PDIA6: variants seen among roughly 807,000 people sequenced by gnomAD.
The protein encoded by PDIA6 is protein disulfide isomerase family A member 6.
In PDIA6, 29 loss-of-function variants were observed where a neutral mutation model predicts 58.4. That is an observed-to-expected ratio of 0.50 (90% CI 0.37 to 0.68). The LOEUF (loss-of-function observed/expected upper bound fraction) is 0.68, where lower values mean the gene tolerates loss of function less well. Among genes scored for constraint, PDIA6 ranks in the 30% least tolerant of loss-of-function variants. The pLI, the probability that PDIA6 is intolerant of heterozygous loss-of-function variation, is 0.00. For synonymous variants in PDIA6, 192 were observed against 202.6 expected, an observed-to-expected ratio of 0.95 and a Z score of 0.44; for missense variants, 480 against 551.0, an observed-to-expected ratio of 0.87 and a Z score of 1.29.
intron 5 of PDIA6, 86 bp from the exon 6 acceptor site, chr2:10,792,011 TAAC>T: frequency 2.2e-6 from 3 of 1,378,472 alleles, no homozygotes; most frequent in East Asian, 2.3e-5. Context: ...TGCTACATCT[TAAC>T]AAAGTTTTAG....
intron 6 of PDIA6, among the ~76,000 whole-genome samples, chr2:10,791,318 G>A (rs886966619): frequency 6.7e-6 from 1 of 150,182 alleles, no homozygotes; most frequent in Non-Finnish European, 1.5e-5. Flanking sequence ...CAATTTTTTT[G>A]TATTTTTAGT....
intron 11 of PDIA6, among the ~76,000 whole-genome samples, chr2:10,786,075 C>A (rs1466360472): frequency 6.6e-6 from 1 of 152,124 alleles, no homozygotes; most frequent in Non-Finnish European, 1.5e-5. Flanking sequence ...GTAATCCCAG[C>A]ATTTTGGGAG....
intron 1 of PDIA6, 45 bp from the exon 2 acceptor site, chr2:10,802,685 C>T: frequency 7.5e-7 from 1 of 1,341,766 alleles, no homozygotes; most frequent in Non-Finnish European, 9.7e-7. Flanking sequence ...ACTGTTCATG[C>T]TTTGACTGGA....
At chr2:10,826,878 C>G (rs576238246) in intron 1 of PDIA6, among the ~76,000 whole-genome samples, 4 of 152,226 alleles carry the variant, frequency 2.6e-5, no homozygotes, top group Non-Finnish European at 5.9e-5. Context: ...TCAGACACAA[C>G]AGGCTGGTTC....
chr2:10,806,497 C>G (rs1327458201), intron 1 of PDIA6, among the ~76,000 whole-genome samples: 5 of 149,878 alleles, frequency 3.3e-5, no homozygotes, highest in Non-Finnish European at 7.4e-5. Flanking sequence ...AAATGTTGAC[C>G]AGATGCCATG....
upstream of PDIA6, among the ~76,000 whole-genome samples, chr2:10,834,175 A>C (rs1239600976): frequency 6.6e-6 from 1 of 152,062 alleles, no homozygotes; most frequent in East Asian, 1.9e-4. Flanking sequence ...TCTCAGCAGC[A>C]ATTGCATGAT....
At chr2:10,785,689 A>C (rs183969297) in intron 11 of PDIA6, among the ~76,000 whole-genome samples, 51 of 152,326 alleles carry the variant, frequency 3.3e-4, no homozygotes, top group Non-Finnish European at 6.2e-4. Flanking sequence ...TGATTTAATA[A>C]ATACTACTCT....
At chr2:10,784,354 G>T (rs544276209) in intron 12 of PDIA6, 28 bp from the exon 13 acceptor site, 2 of 1,593,820 alleles carry the variant, frequency 1.3e-6, no homozygotes, top group African/African-American at 1.3e-5. Context: ...GCCACTGTTA[G>T]ATCTGCAGAA....
chr2:10,814,000 C>T (rs1352243870), upstream of PDIA6, among the ~76,000 whole-genome samples: 2 of 152,208 alleles, frequency 1.3e-5, no homozygotes, highest in African/African-American at 4.8e-5. Context: ...GCTAGGATTA[C>T]AGTTGTGAGC....
At chr2:10,824,687 C>T (rs1686492) in intron 1 of PDIA6, among the ~76,000 whole-genome samples, 92,939 of 152,170 alleles carry the variant, frequency 0.61, 28,843 homozygotes, top group East Asian at 0.8. Flanking sequence ...GAAGCTGAAG[C>T]GGGGCAGAGC....
intron 1 of PDIA6, chr2:10,821,169 C>T: frequency 3.5e-6 from 1 of 288,632 alleles, no homozygotes; most frequent in Non-Finnish European, 6.6e-6. Context: ...CTCCTTCCTT[C>T]CCCCTCTCTT....
chr2:10,811,070 T>A (rs1686418), intron 1 of PDIA6, among the ~76,000 whole-genome samples: 74,237 of 152,058 alleles, frequency 0.49, 19,673 homozygotes, highest in South Asian at 0.58. Flanking sequence ...CTAGAAACCA[T>A]GAGGTTTCCC....
intron 1 of PDIA6, among the ~76,000 whole-genome samples, chr2:10,825,171 C>A (rs1667515528): frequency 2.0e-5 from 3 of 152,304 alleles, no homozygotes; most frequent in South Asian, 4.1e-4. Flanking sequence ...TGGACTGGCT[C>A]TCCTTACTCC....
chr2:10,786,093 T>C (rs934838762), intron 11 of PDIA6, among the ~76,000 whole-genome samples: 3 of 151,812 alleles, frequency 2.0e-5, no homozygotes, highest in South Asian at 2.1e-4. Flanking sequence ...GAGGCTGAGG[T>C]GGGTGGATCA....
chr2:10,807,243 C>G (rs532528935), intron 1 of PDIA6, among the ~76,000 whole-genome samples: 1 of 152,326 alleles, frequency 6.6e-6, no homozygotes, highest in Middle Eastern at 3.4e-3. Flanking sequence ...GGGTCTTGAT[C>G]TGTCACCCAG....
upstream of PDIA6, among the ~76,000 whole-genome samples, chr2:10,833,146 C>G (rs544719615): frequency 1.8e-4 from 27 of 152,216 alleles, no homozygotes; most frequent in Non-Finnish European, 3.4e-4. Context: ...AGAGCCCAGG[C>G]TCTGTGTCAG....
At position 10,788,888 on chromosome 2, in the gene PDIA6, C is replaced by T; in HGVS notation, c.925+9G>A. 1.2e-6 allele frequency: 2 copies of T among 1,609,002 alleles called. No individual in the cohort carries two copies. On this transcript the variant is annotated intron_variant, in intron 9 of 12. Coordinates refer to ENST00000272227, the MANE Select transcript of PDIA6 (RefSeq NM_005742.4). ...AACAGCTAAGGGAAATCATTTCCGTCTGTCTTACCAGTATCAAGGATATGG... is the reference window on the plus strand; with the variant it reads ...AACAGCTAAGGGAAATCATTTCCGTTTGTCTTACCAGTATCAAGGATATGG...
chr2:10,810,281 G>T (rs895177089), intron 1 of PDIA6: 1 of 1,534,414 alleles, frequency 6.5e-7, no homozygotes, highest in South Asian at 1.2e-5. Flanking sequence ...ATTTCTAACC[G>T]AAGGGCTGGA....
chr2:10,834,766 C>T (rs1667793300), upstream of PDIA6, among the ~76,000 whole-genome samples: 2 of 111,366 alleles, frequency 1.8e-5, no homozygotes, highest in East Asian at 6.3e-4. Flanking sequence ...TTCCTTCCTT[C>T]CTTCCTTCCG....
Sources: gnomAD v4.1 joint callset for allele counts (sites outside exome capture counted in the v4.1 genomes callset) on GRCh38, gnomAD v4.1.1 for gene constraint, MANE v1.5 for transcripts, NCBI Gene and HGNC (gene_info 2026-07-23, HGNC 2026-07-21) for gene names.